The following CMTM4 variants were observed in gnomAD, a reference collection of about 807,000 sequenced individuals.
The protein encoded by CMTM4 is CKLF-like MARVEL transmembrane domain-containing protein 4.
In CMTM4, 8 loss-of-function variants were observed where a neutral mutation model predicts 19.0. The observed-to-expected ratio is 0.42, with a 90% CI of 0.25 to 0.76. The LOEUF (loss-of-function observed/expected upper bound fraction) is 0.76, where lower values mean the gene tolerates loss of function less well. Ranked by LOEUF, CMTM4 falls within the 30% of genes least tolerant of loss-of-function variation. CMTM4 has a pLI of 0.27. For synonymous variants in CMTM4, 106 were observed against 121.1 expected (o/e 0.88, Z 0.82); for missense variants, 228 against 290.2 (o/e 0.79, Z 1.56).
chr16:66,623,528 AG>A (rs2015679350), intron 2 of CMTM4, 26 bp from the exon 3 acceptor site: 2 of 1,521,778 alleles, frequency 1.3e-6, no homozygotes. Flanking sequence ...AAATAAACCA[AG>A]TGAAAAGAAC....
chr16:66,651,968 T>C (rs1160548365), intron 1 of CMTM4, among the ~76,000 whole-genome samples: 3 of 152,216 alleles, frequency 2.0e-5, no homozygotes, highest in Non-Finnish European at 4.4e-5. Flanking sequence ...TTTGGTTTCA[T>C]TGCTTTTCTC....
intron 1 of CMTM4, among the ~76,000 whole-genome samples, chr16:66,659,675 A>G (rs1300425371): frequency 6.6e-6 from 1 of 152,222 alleles, no homozygotes; most frequent in Non-Finnish European, 1.5e-5. Flanking sequence ...GATATTGTGG[A>G]TGTGTCATTT....
chr16:66,692,599 C>T (rs2017155803), intron 1 of CMTM4, among the ~76,000 whole-genome samples: 1 of 152,128 alleles, frequency 6.6e-6, no homozygotes, highest in African/African-American at 2.4e-5. Flanking sequence ...CAATAGGCCA[C>T]AAAAAACACC....
chr16:66,696,056 C>T lies in CMTM4; in HGVS notation c.186+284G>A, dbSNP rs1378823342. On this transcript the variant is annotated intron_variant, in intron 1 of 3. Transcript: ENST00000394106. The surrounding 1 kb of genome is among the most constrained non-coding windows in gnomAD (Gnocchi z 4.3). ...GCACCCAGCCCAGTAACGCCACAGA[C>T]TCCCGGGAGCGAGGGCGGAGCGGAC... Among the ~76,000 whole-genome samples the T allele has an allele frequency of 1.3e-5, 2 of 152,226 alleles. No homozygotes were observed. The highest frequency in any genetic ancestry group is 2.9e-5 in the Non-Finnish European group (2 of 68,036).
chr16:66,602,114 T>C, the CMTM4 span, among the ~76,000 whole-genome samples: 649 of 152,334 alleles, frequency 4.3e-3, 2 homozygotes, highest in African/African-American at 0.015. Context: ...TAATCAGGTC[T>C]GGCCAGGTGC....
downstream of CMTM4, among the ~76,000 whole-genome samples, chr16:66,612,174 G>A (rs1298427634): frequency 6.6e-6 from 1 of 152,160 alleles, no homozygotes; most frequent in African/African-American, 2.4e-5. The surrounding 1 kb of genome is among the most constrained non-coding windows in gnomAD (Gnocchi z 6.0). Context: ...CAGCACTTTG[G>A]GAGGCTGAGG....
downstream of CMTM4, chr16:66,610,139 T>C: frequency 8.4e-6 from 9 of 1,074,410 alleles, no homozygotes; most frequent in South Asian, 1.3e-4. The surrounding 1 kb of genome is among the most constrained non-coding windows in gnomAD (Gnocchi z 4.6). Context: ...CAGCCCATTC[T>C]CACCTACCCT....
chr16:66,609,555 G>C, the CMTM4 span: 1 of 1,568,672 alleles, frequency 6.4e-7, no homozygotes, highest in Non-Finnish European at 8.7e-7. The surrounding 1 kb of genome is among the most constrained non-coding windows in gnomAD (Gnocchi z 4.4). Context: ...CACCCCTCTG[G>C]AAACTGCAGA....
At chr16:66,639,511 G>A (rs1460182089) in intron 1 of CMTM4, among the ~76,000 whole-genome samples, 1 of 152,068 alleles carries the variant, frequency 6.6e-6, no homozygotes, top group East Asian at 1.9e-4. Context: ...TTAGTGATAA[G>A]AACGAAGGAG....
intron 1 of CMTM4, among the ~76,000 whole-genome samples, chr16:66,695,273 G>C (rs2017211183): frequency 6.6e-6 from 1 of 152,148 alleles, no homozygotes; most frequent in Non-Finnish European, 1.5e-5. Flanking sequence ...CTTGAGCCTG[G>C]GAGGTCGAAC....
At position 66,617,630 on chromosome 16, in the gene CMTM4, C is replaced by T. The variant is rs1336962882; in HGVS notation, c.*4428G>A. 1 of 1,166,746 alleles carries T rather than the reference C, an allele frequency of 8.6e-7. No homozygotes were observed. Among genetic ancestry groups the T allele is most frequent in the Non-Finnish European group, 1.1e-6 (1 of 938,952 alleles). 72.3% of individuals were successfully genotyped at this position (1,166,746 alleles called of 1,614,324 possible). A position where few individuals can be genotyped will look rare whatever the true frequency, so the allele number is the denominator to read the frequency against. Reference sequence around the variant, plus strand: ...AAGGTCAAATATTTTAAATTACTTTCTCAACCAGACAGTTCTTGTGACTTG... The same window carrying T: ...AAGGTCAAATATTTTAAATTACTTTTTCAACCAGACAGTTCTTGTGACTTG... On this transcript the variant is annotated 3_prime_UTR_variant, in exon 4 of 4. Coordinates refer to ENST00000394106, the MANE Select transcript of CMTM4 (RefSeq NM_181521.3).
chr16:66,687,878 C>T (rs147712865), intron 1 of CMTM4, among the ~76,000 whole-genome samples: 2 of 151,812 alleles, frequency 1.3e-5, no homozygotes, highest in African/African-American at 4.8e-5. Flanking sequence ...TCATTGAGAC[C>T]GGGTTTCACC....
rs2015544383 is a variant in CMTM4, at chr16:66,617,314, G to A, written c.*4744C>T. 1.9e-6 allele frequency: 3 copies of A among 1,614,128 alleles called. No homozygotes were observed. In the Admixed American group the frequency reaches 5.0e-5, roughly 27 times the overall value. ...CCAGTGATTCAAACTCAGCAGGTTT[G>A]TGGGTGATTTTTTCCTTACTGTTAC... On this transcript the variant is annotated 3_prime_UTR_variant, in exon 4 of 4. Coordinates refer to ENST00000394106, the MANE Select transcript of CMTM4 (RefSeq NM_181521.3).
chr16:66,675,589 G>A (rs2016796700), intron 1 of CMTM4, among the ~76,000 whole-genome samples: 1 of 151,972 alleles, frequency 6.6e-6, no homozygotes, highest in Non-Finnish European at 1.5e-5. Flanking sequence ...TTTCTTGTGG[G>A]CTTCACTCAT....
At chr16:66,694,781 G>A (rs2017201966) in intron 1 of CMTM4, among the ~76,000 whole-genome samples, 1 of 148,976 alleles carries the variant, frequency 6.7e-6, no homozygotes, top group Non-Finnish European at 1.5e-5. Flanking sequence ...TTTGCTAACA[G>A]CAACGCCAAA....
Position 66,637,084 on chromosome 16 carries a change from C to A in CMTM4, c.187-503G>T, listed in dbSNP as rs180908923. ...AAGTCACACAGGTTAACTGGGACTC[C>A]TGACGGCTTTAAAACAATGATTGGT... On this transcript the variant is annotated intron_variant, in intron 1 of 3. Transcript: ENST00000394106. Among the ~76,000 whole-genome samples, 140 of 152,298 alleles carry A rather than the reference C, an allele frequency of 9.2e-4. 1 individual carries two copies. Among genetic ancestry groups the A allele is most frequent in the Non-Finnish European group, 4.1e-4 (28 of 68,032 alleles).
At chr16:66,600,619 C>T in the CMTM4 span, among the ~76,000 whole-genome samples, 1 of 151,902 alleles carries the variant, frequency 6.6e-6, no homozygotes, top group African/African-American at 2.4e-5. Context: ...CCCTTCCCCC[C>T]AAACACCTTG....
downstream of CMTM4, chr16:66,609,781 C>T: frequency 1.2e-6 from 2 of 1,610,854 alleles, no homozygotes. The surrounding 1 kb of genome is among the most constrained non-coding windows in gnomAD (Gnocchi z 4.4). Context: ...GACACTCGGG[C>T]TGTTTGTCCA....
chr16:66,612,553 C>T, downstream of CMTM4: 1 of 1,590,280 alleles, frequency 6.3e-7, no homozygotes, highest in East Asian at 2.2e-5. The surrounding 1 kb of genome is among the most constrained non-coding windows in gnomAD (Gnocchi z 6.0). Flanking sequence ...AGAGACCGTT[C>T]CCAGGCACCG....
Sources: gnomAD v4.1 joint callset for allele counts (sites outside exome capture counted in the v4.1 genomes callset) on GRCh38, gnomAD v4.1.1 for gene constraint, Gnocchi (gnomAD v3.1) non-coding constraint, MANE v1.5 for transcripts, NCBI Gene and HGNC (gene_info 2026-07-23, HGNC 2026-07-21) for gene names.